The following SLC44A5 variants were observed in gnomAD, a reference collection of about 807,000 sequenced individuals.
SLC44A5 encodes the protein solute carrier family 44 member 5, also known as choline transporter-like protein 5.
Under a neutral mutation model 101.8 loss-of-function variants are expected in SLC44A5, and 57 were observed. The observed-to-expected ratio is 0.56, with a 90% CI of 0.45 to 0.70. The LOEUF is 0.70. Ranked by LOEUF, SLC44A5 falls within the 30% of genes least tolerant of loss-of-function variation. SLC44A5 has a pLI of 0.00. For missense variants in SLC44A5, 737 were observed against 853.1 expected (o/e 0.86, Z 1.70); for synonymous variants, 281 against 290.9 (o/e 0.97, Z 0.35).
At chr1:75,351,012 T>C (rs907988022) in intron 3 of SLC44A5, among the ~76,000 whole-genome samples, 6 of 151,482 alleles carry the variant, frequency 4.0e-5, no homozygotes, top group African/African-American at 1.5e-4. Context: ...AAATCGAAAT[T>C]ATAGTAAAAT....
At chr1:75,359,408 A>ATT (rs571999334) in intron 3 of SLC44A5, among the ~76,000 whole-genome samples, 17 of 129,444 alleles carry the variant, frequency 1.3e-4, no homozygotes, top group African/African-American at 2.8e-4. Context: ...TAATTTTTGT[A>ATT]TTTTTTTTTT....
At chr1:75,328,778 A>C (rs1309190477) in intron 4 of SLC44A5, among the ~76,000 whole-genome samples, 1 of 152,220 alleles carries the variant, frequency 6.6e-6, no homozygotes, top group Non-Finnish European at 1.5e-5. Flanking sequence ...TCGTTGCCAA[A>C]GTGTCTTCCA....
intron 1 of SLC44A5, among the ~76,000 whole-genome samples, chr1:75,580,834 T>C (rs1418203332): frequency 7.4e-5 from 9 of 122,412 alleles, no homozygotes; most frequent in Admixed American, 3.5e-4. Context: ...CAAGACTCTG[T>C]CTCAAAAAAA....
At chr1:75,689,215 C>G in the SLC44A5 span, among the ~76,000 whole-genome samples, 4 of 152,110 alleles carry the variant, frequency 2.6e-5, no homozygotes, top group Non-Finnish European at 4.4e-5. Flanking sequence ...TATTCCAATA[C>G]GGGGATGACA....
intron 1 of SLC44A5, among the ~76,000 whole-genome samples, chr1:75,548,398 T>C (rs1045768855): frequency 1.3e-5 from 2 of 152,188 alleles, no homozygotes; most frequent in South Asian, 2.1e-4. Context: ...TTAATGATCT[T>C]TAAAAATGTG....
intron 3 of SLC44A5, among the ~76,000 whole-genome samples, chr1:75,376,270 G>A (rs1205297088): frequency 7.2e-5 from 11 of 152,352 alleles, no homozygotes; most frequent in African/African-American, 1.4e-4. Context: ...AGGGGCGCCC[G>A]CCATTGCCCA....
chr1:75,582,539 G>A, intron 1 of SLC44A5: 1 of 528,982 alleles, frequency 1.9e-6, no homozygotes, highest in South Asian at 2.7e-5. Context: ...AGGCGCCCAG[G>A]CCACTACAAA....
intron 3 of SLC44A5, among the ~76,000 whole-genome samples, chr1:75,383,344 C>T (rs896726807): frequency 2.1e-5 from 3 of 143,852 alleles, no homozygotes; most frequent in South Asian, 2.4e-4. Context: ...GCTGGTTCCC[C>T]GGTTCCCCTT....
Position 75,314,362 on chromosome 1 carries a change from G to A in SLC44A5, c.102-13677C>T, listed in dbSNP as rs115619204. Among the ~76,000 whole-genome samples the A allele has an allele frequency of 7.6e-3, 1,158 of 152,194 alleles. 19 individuals are homozygous for A. The highest frequency in any genetic ancestry group is 0.027 in the African/African-American group (1,110 of 41,550). On this transcript the variant is annotated intron_variant, in intron 4 of 23. Coordinates refer to ENST00000370859, the MANE Select transcript of SLC44A5 (RefSeq NM_001130058.2). ...ATCTTGCATGGACAATAAAAAACAC[G>A]CCAGCATCATCTTTCATATTTTGAT... is the stretch of plus-strand genomic sequence containing the variant.
chr1:75,426,018 G>A (rs77243871), intron 2 of SLC44A5, among the ~76,000 whole-genome samples: 393 of 151,400 alleles, frequency 2.6e-3, no homozygotes, highest in Non-Finnish European at 4.4e-3. Context: ...ATGCCTGAGG[G>A]TTCAAAGGAA....
intron 2 of SLC44A5, among the ~76,000 whole-genome samples, chr1:75,460,575 G>T (rs902547710): frequency 6.6e-6 from 1 of 151,160 alleles, no homozygotes. Context: ...TGTAATGTTG[G>T]TCATTTATAT....
At chr1:75,406,067 G>C (rs115452630) in intron 2 of SLC44A5, among the ~76,000 whole-genome samples, 2,166 of 152,226 alleles carry the variant, frequency 0.014, 52 homozygotes, top group African/African-American at 0.049. Flanking sequence ...ACTATTGTTA[G>C]AGAATACTGT....
At chr1:75,379,017 A>T (rs868858417) in intron 3 of SLC44A5, among the ~76,000 whole-genome samples, 1 of 79,434 alleles carries the variant, frequency 1.3e-5, no homozygotes, top group Non-Finnish European at 2.1e-5. Context: ...TCAAGAAAGG[A>T]AGGAGATACT....
At chr1:75,317,497 A>G (rs1178609155) in intron 4 of SLC44A5, among the ~76,000 whole-genome samples, 1 of 152,178 alleles carries the variant, frequency 6.6e-6, no homozygotes, top group Non-Finnish European at 1.5e-5. Flanking sequence ...GGTTTCATGA[A>G]ATCCCTTTCA....
chr1:75,583,982 C>G (rs557394083), intron 1 of SLC44A5, among the ~76,000 whole-genome samples: 88 of 152,362 alleles, frequency 5.8e-4, no homozygotes, highest in African/African-American at 2.0e-3. Flanking sequence ...GATTGTCACT[C>G]AATGTCCCAA....
At chr1:75,509,161 A>G (rs538074331) in intron 2 of SLC44A5, among the ~76,000 whole-genome samples, 1 of 152,356 alleles carries the variant, frequency 6.6e-6, no homozygotes, top group East Asian at 1.9e-4. Context: ...TGAGATAAAA[A>G]CTACTATGAA....
intron 13 of SLC44A5, among the ~76,000 whole-genome samples, chr1:75,223,274 T>C (rs1390382372): frequency 4.6e-5 from 7 of 152,344 alleles, no homozygotes; most frequent in Non-Finnish European, 4.4e-5. Flanking sequence ...GGCACTTCTA[T>C]ATCCTTACAG....
chr1:75,402,584 G>C (rs1662559040), intron 2 of SLC44A5: 1 of 164,856 alleles, frequency 6.1e-6, no homozygotes, highest in South Asian at 1.3e-4. Context: ...AAGCACAAGG[G>C]GTTAGGGAAC....
chr1:75,480,952 C>A (rs566557678), intron 2 of SLC44A5, among the ~76,000 whole-genome samples: 1 of 152,282 alleles, frequency 6.6e-6, no homozygotes, highest in South Asian at 2.1e-4. Flanking sequence ...TCAAGTCAAT[C>A]CTAAGCGAAA....
Sources: allele counts gnomAD v4.1 joint callset (sites outside exome capture counted in the v4.1 genomes callset), GRCh38; gene constraint gnomAD v4.1.1; transcripts MANE v1.5; gene names NCBI Gene and HGNC (gene_info 2026-07-23, HGNC 2026-07-21).